The following TMEM209 variants were observed in gnomAD, a reference collection of about 807,000 sequenced individuals.
The protein encoded by TMEM209 is testicular tissue protein Li 202.
A neutral mutation model predicts 76.2 loss-of-function variants in TMEM209; 65 were observed. The observed-to-expected ratio is 0.85, with a 90% CI of 0.70 to 1.05. The LOEUF is 1.05. Ranked by LOEUF, TMEM209 falls within the 50% of genes least tolerant of loss-of-function variation. The pLI is 0.00. For synonymous variants in TMEM209, 239 were observed against 237.6 expected, an observed-to-expected ratio of 1.01 and a Z score of -0.06; for missense variants, 623 against 685.5, an observed-to-expected ratio of 0.91 and a Z score of 1.02.
chr7:130,184,056 T>G lies in TMEM209; in HGVS notation c.1023+128A>C, dbSNP rs530779092. 8.7e-6 allele frequency: 5 copies of G among 575,230 alleles called. No individual in the cohort carries two copies. The South Asian group carries it at 1.3e-4, about 15-fold the overall frequency. The allele number at this position is 575,230 out of a possible 1,614,324, so 35.6% of individuals were successfully genotyped here. On this transcript the variant is annotated intron_variant, in intron 8 of 14. Transcript: ENST00000397622. ...TAACAGTCATGTTTATCCTTATATA[T>G]GTACCATTCATACTGTACCTTTATA...
intron 6 of TMEM209, among the ~76,000 whole-genome samples, chr7:130,186,729 T>C (rs1018386133): frequency 5.9e-5 from 9 of 151,876 alleles, no homozygotes; most frequent in Admixed American, 4.6e-4. Context: ...AAAGAAAAAA[T>C]GTACATAGCA....
At chr7:130,188,634 T>G (rs906758644) in intron 6 of TMEM209, among the ~76,000 whole-genome samples, 3 of 150,716 alleles carry the variant, frequency 2.0e-5, no homozygotes, top group African/African-American at 7.3e-5. Context: ...AATCTCTACT[T>G]TATAATCACC....
intron 5 of TMEM209, among the ~76,000 whole-genome samples, chr7:130,194,498 T>C (rs1797906333): frequency 6.6e-6 from 1 of 152,186 alleles, no homozygotes; most frequent in Non-Finnish European, 1.5e-5. Context: ...TATAAACATC[T>C]GTAACTTTGC....
intron 1 of TMEM209, chr7:130,204,881 C>G (rs1798379436): frequency 5.0e-6 from 5 of 991,222 alleles, no homozygotes; most frequent in Non-Finnish European, 6.1e-6. Flanking sequence ...ATCTCAACAA[C>G]TCTGCACTTG....
chr7:130,200,771 A>G (rs1428868407), intron 5 of TMEM209, among the ~76,000 whole-genome samples: 3 of 152,182 alleles, frequency 2.0e-5, no homozygotes, highest in South Asian at 4.1e-4. Context: ...TCAAAATTCT[A>G]TTACCTGCCA....
chr7:130,201,029 C>G (rs2117034876), intron 5 of TMEM209, among the ~76,000 whole-genome samples: 1 of 119,114 alleles, frequency 8.4e-6, no homozygotes, highest in South Asian at 2.9e-4. Flanking sequence ...GCGGAGTTTG[C>G]AGTGAGCTGA....
chr7:130,193,566 C>T (rs1335406245), intron 5 of TMEM209, among the ~76,000 whole-genome samples: 4 of 151,504 alleles, frequency 2.6e-5, no homozygotes, highest in Non-Finnish European at 4.4e-5. Context: ...AGTGAGCTAT[C>T]AAGCTACGAA....
At chr7:130,199,141 C>T (rs900152780) in intron 5 of TMEM209, among the ~76,000 whole-genome samples, 3 of 152,116 alleles carry the variant, frequency 2.0e-5, no homozygotes, top group Non-Finnish European at 4.4e-5. Context: ...TATAATTCTT[C>T]CTCCTCTAAA....
chr7:130,171,861 TCTTA>T (rs1354979228), intron 13 of TMEM209, among the ~76,000 whole-genome samples: 12 of 152,016 alleles, frequency 7.9e-5, no homozygotes, highest in Non-Finnish European at 8.8e-5. Context: ...AACCCCCGTC[TCTTA>T]CTAAAAATAC....
chr7:130,185,146 C>A, intron 7 of TMEM209, 46 bp downstream of exon 7: 2 of 1,557,178 alleles, frequency 1.3e-6, no homozygotes, highest in South Asian at 1.2e-5. Flanking sequence ...GACTTTCTAA[C>A]AATGCATAAA....
At position 130,185,929 on chromosome 7, in the gene TMEM209, TAA is replaced by T. The variant is rs529897011; in HGVS notation, c.776-564_776-563del. ...TTTATAAATTTACTTTTAAGAAATG[TAA>T]AAAAAAGTTCTATTTAGGAATGTAC... On this transcript the variant is annotated intron_variant, in intron 6 of 14. Coordinates refer to ENST00000397622, the MANE Select transcript of TMEM209 (RefSeq NM_032842.4). Among the ~76,000 whole-genome samples, 14 of 152,152 alleles carry T rather than the reference TAA, an allele frequency of 9.2e-5. No homozygotes were observed. In the South Asian group the frequency reaches 2.9e-3, roughly 32 times the overall value.
intron 3 of TMEM209, 46 bp from the exon 4 acceptor site, chr7:130,202,709 T>C (rs1424262746): frequency 1.9e-6 from 3 of 1,580,770 alleles, no homozygotes; most frequent in Admixed American, 3.7e-5. Flanking sequence ...GAGGAGGGCA[T>C]CTATTGGAGA....
intron 14 of TMEM209, among the ~76,000 whole-genome samples, chr7:130,166,790 C>CA (rs1305341373): frequency 2.0e-5 from 3 of 152,008 alleles, no homozygotes; most frequent in African/African-American, 7.2e-5. Context: ...ATAATTTTAA[C>CA]AAGCAAGATT....
intron 8 of TMEM209, among the ~76,000 whole-genome samples, chr7:130,183,778 T>C (rs1006892447): frequency 2.6e-5 from 4 of 152,178 alleles, no homozygotes; most frequent in Non-Finnish European, 5.9e-5. Flanking sequence ...TACTTTGAAA[T>C]AGCTTCAAGC....
chr7:130,202,758 T>C (rs1305139569), intron 3 of TMEM209, 95 bp from the exon 4 acceptor site: 1 of 1,309,970 alleles, frequency 7.6e-7, no homozygotes, highest in Non-Finnish European at 1.0e-6. Flanking sequence ...TAAAATTACC[T>C]TCTTATTCCT....
intron 5 of TMEM209, among the ~76,000 whole-genome samples, chr7:130,200,478 T>C (rs546148035): frequency 7.2e-5 from 11 of 152,298 alleles, no homozygotes; most frequent in Admixed American, 4.6e-4. Context: ...TACAGGGCTA[T>C]TTAGTATACA....
intron 9 of TMEM209, 89 bp from the exon 10 acceptor site, chr7:130,178,616 C>G: frequency 6.7e-7 from 1 of 1,492,578 alleles, no homozygotes; most frequent in Non-Finnish European, 9.1e-7. Context: ...GTTCATACAG[C>G]TGGTTCCTCA....
chr7:130,184,456 G>T, intron 7 of TMEM209, among the ~76,000 whole-genome samples: 1 of 149,236 alleles, frequency 6.7e-6, no homozygotes. Flanking sequence ...ATCTTTAAAA[G>T]TTCCTTACAT....
intron 5 of TMEM209, among the ~76,000 whole-genome samples, chr7:130,198,506 G>A (rs1183911773): frequency 1.3e-5 from 2 of 151,982 alleles, no homozygotes; most frequent in African/African-American, 4.8e-5. Context: ...AGCTGCTCAG[G>A]AGGCTAAGGC....
Sources: gnomAD v4.1 joint callset for allele counts (sites outside exome capture counted in the v4.1 genomes callset) on GRCh38, gnomAD v4.1.1 for gene constraint, MANE v1.5 for transcripts, NCBI Gene and HGNC (gene_info 2026-07-23, HGNC 2026-07-21) for gene names.